The following ATG13 variants were observed in gnomAD, a reference collection of about 807,000 sequenced individuals.
ATG13 encodes the protein autophagy-related protein 13.
In ATG13, 23 loss-of-function variants were observed where a neutral mutation model predicts 65.5. That is an observed-to-expected ratio of 0.35 (90% CI 0.25 to 0.50). The LOEUF is 0.50. ATG13 is among the 20% of genes least tolerant of loss of function. ATG13 has a pLI of 0.98. For synonymous variants in ATG13, 252 were observed against 245.2 expected, an observed-to-expected ratio of 1.03 and a Z score of -0.26; for missense variants, 566 against 677.0, an observed-to-expected ratio of 0.84 and a Z score of 1.82.
chr11:46,657,234 G>A, intron 9 of ATG13, 43 bp downstream of exon 9: 1 of 1,552,198 alleles, frequency 6.4e-7, no homozygotes, highest in Non-Finnish European at 8.9e-7. Context: ...TTCCGAAAAT[G>A]TTAAAGTTTT....
chr11:46,654,567 A>G (rs2059637311), intron 7 of ATG13, among the ~76,000 whole-genome samples: 1 of 150,390 alleles, frequency 6.6e-6, no homozygotes, highest in African/African-American at 2.5e-5. Context: ...CTAGAAATAA[A>G]AAAACTTAGC....
intron 5 of ATG13, among the ~76,000 whole-genome samples, chr11:46,648,103 C>A (rs1365192283): frequency 6.8e-6 from 1 of 147,240 alleles, no homozygotes; most frequent in Non-Finnish European, 1.5e-5. Context: ...CTTAACCCCA[C>A]CCCCCCCAGC....
At chr11:46,665,338 C>T in intron 13 of ATG13, 45 bp from the exon 14 acceptor site, 1 of 1,594,878 alleles carries the variant, frequency 6.3e-7, no homozygotes, top group Non-Finnish European at 8.6e-7. Flanking sequence ...TCCCCTCCTG[C>T]CTGGCATGCC....
chr11:46,645,253 G>A, intron 3 of ATG13, 86 bp from the exon 4 acceptor site: 2 of 1,117,644 alleles, frequency 1.8e-6, no homozygotes, highest in East Asian at 5.0e-5. Flanking sequence ...CTCTGTATTG[G>A]GAGGATTTTA....
At position 46,634,101 on chromosome 11, in the gene ATG13, T is replaced by C. The variant is rs184886734; in HGVS notation, c.-14+4001T>C. 2.0e-5 allele frequency among the ~76,000 whole-genome samples: 3 copies of C among 152,104 alleles called. No individual in the cohort carries two copies. The East Asian group carries it at 5.8e-4, about 30-fold the overall frequency. On this transcript the variant is annotated intron_variant, in intron 2 of 18. Transcript: ENST00000683050. ...CAGCTGAGTTTGCCTGGGATTTTTTTTTTCTTTTTTTTTGAGATGGAGTCT... is the reference window on the plus strand; with the variant it reads ...CAGCTGAGTTTGCCTGGGATTTTTTCTTTCTTTTTTTTTGAGATGGAGTCT...
chr11:46,632,692 T>C (rs1337038034), intron 2 of ATG13, among the ~76,000 whole-genome samples: 2 of 151,986 alleles, frequency 1.3e-5, no homozygotes, highest in Non-Finnish European at 2.9e-5. Context: ...TATAGACTTT[T>C]GGCAGTAGAA....
chr11:46,665,416 C>T lies in ATG13; in HGVS notation c.1033C>T (p.Leu345Phe), dbSNP rs780007232. 6.2e-7 allele frequency: 1 copy of T among 1,614,140 alleles called. No homozygotes were observed. Residue 345 changes from leucine to phenylalanine, a missense_variant, in exon 14 of 19, where the codon CTT becomes TTT. Physicochemically the swap from Leu to Phe is conservative, Grantham distance 22 (BLOSUM62 0). Coordinates refer to ENST00000683050, the MANE Select transcript of ATG13 (RefSeq NM_001346311.2). ...MVPGKEGGVP[L>F]APNQPVHGTQ... Reference sequence around the variant, plus strand: ...TCCTGGGAAGGAAGGTGGGGTACCCCTTGCTCCCAACCAGCCTGTCCATGG... The same window carrying T: ...TCCTGGGAAGGAAGGTGGGGTACCCTTTGCTCCCAACCAGCCTGTCCATGG...
chr11:46,645,849 A>G lies in ATG13; in HGVS notation c.151-21A>G, dbSNP rs141220159. On this transcript the variant is annotated intron_variant, in intron 4 of 18. Transcript: ENST00000683050. ...AATGTTCCTGTGAGTGTTTCATGCAAAAGTCCCTTTTGTTTTCCAGTTCAA... is the reference window on the plus strand; with the variant it reads ...AATGTTCCTGTGAGTGTTTCATGCAGAAGTCCCTTTTGTTTTCCAGTTCAA... 2.1e-5 allele frequency: 34 copies of G among 1,613,862 alleles called. No individual in the cohort carries two copies. The East Asian group carries it at 2.2e-4, about 11-fold the overall frequency.
At chr11:46,656,412 G>A in intron 8 of ATG13, 139 bp downstream of exon 8, 1 of 888,804 alleles carries the variant, frequency 1.1e-6, no homozygotes, top group Non-Finnish European at 1.7e-6. Context: ...TGAGAATGCA[G>A]GTAGGTGGTC....
chr11:46,637,567 GT>G (rs1309132936), intron 2 of ATG13, among the ~76,000 whole-genome samples: 1 of 152,114 alleles, frequency 6.6e-6, no homozygotes, highest in Admixed American at 6.6e-5. Flanking sequence ...TAGAGACAGG[GT>G]TTTGCCATGT....
At chr11:46,622,909 C>T (rs1055132964) in intron 1 of ATG13, among the ~76,000 whole-genome samples, 7 of 152,034 alleles carry the variant, frequency 4.6e-5, no homozygotes, top group South Asian at 2.1e-4. Context: ...GTGGACTGGC[C>T]GTGGTTCAAG....
chr11:46,670,455 C>T (rs866514633), intron 18 of ATG13, among the ~76,000 whole-genome samples: 8 of 143,740 alleles, frequency 5.6e-5, no homozygotes, highest in African/African-American at 1.8e-4. Context: ...CACTCCAACC[C>T]GGGTGACAGA....
chr11:46,660,699 C>T (rs547051221), intron 11 of ATG13, among the ~76,000 whole-genome samples: 7 of 150,814 alleles, frequency 4.6e-5, no homozygotes, highest in Middle Eastern at 3.5e-3. Flanking sequence ...TGAGCCACTG[C>T]GCCCGGCCTT....
intron 2 of ATG13, among the ~76,000 whole-genome samples, chr11:46,635,482 T>TA (rs57611167): frequency 6.6e-6 from 1 of 152,162 alleles, no homozygotes; most frequent in Non-Finnish European, 1.5e-5. Context: ...ATCTCTTTTT[T>TA]AAAAAATTGC....
intron 11 of ATG13, 133 bp downstream of exon 11, chr11:46,659,618 G>T (rs2060746316): frequency 3.1e-6 from 2 of 643,890 alleles, no homozygotes. Context: ...ACTTTGAGGG[G>T]TAAGAGAGAG....
intron 1 of ATG13, chr11:46,618,397 T>C (rs1271797848): frequency 6.6e-6 from 1 of 152,414 alleles, no homozygotes; most frequent in African/African-American, 2.4e-5. Context: ...AGCACCTTCT[T>C]GAGCTCATCA....
chr11:46,640,361 TAGGTTCCATCAGA>T (rs1367235344), intron 2 of ATG13, among the ~76,000 whole-genome samples: 3 of 152,194 alleles, frequency 2.0e-5, no homozygotes. Context: ...AAATAAAAAA[TAGGTTCCATCAGA>T]ATGGCAAGCC....
At position 46,669,427 on chromosome 11, in the gene ATG13, C is replaced by T. The variant is rs752355060; in HGVS notation, c.1470C>T (p.Asp490=). 4 of 1,614,004 alleles carry T rather than the reference C, an allele frequency of 2.5e-6. No individual in the cohort carries two copies. The highest frequency in any genetic ancestry group is 2.2e-5 in the East Asian group (1 of 44,890). Residue 490 remains aspartate (D), a synonymous_variant, in exon 18 of 19, where the codon GAC becomes GAT. Coordinates refer to ENST00000683050, the MANE Select transcript of ATG13 (RefSeq NM_001346311.2). The part of the protein sequence containing the change: ...IDFKPAFSKD[D]ILPMDLGTFY... Reference sequence around the variant, plus strand: ...AGAAACCAGCTTTTTCTAAAGATGACATTCTTCCGATGGACCTGGGGACCT... The same window carrying T: ...AGAAACCAGCTTTTTCTAAAGATGATATTCTTCCGATGGACCTGGGGACCT...
intron 6 of ATG13, among the ~76,000 whole-genome samples, 166 bp from the exon 7 acceptor site, chr11:46,650,011 T>C (rs1450955566): frequency 6.6e-6 from 1 of 152,212 alleles, no homozygotes; most frequent in East Asian, 1.9e-4. Context: ...CATTTGCCTG[T>C]GTCTAGTACA....
Sources: allele counts gnomAD v4.1 joint callset (sites outside exome capture counted in the v4.1 genomes callset), GRCh38; gene constraint gnomAD v4.1.1; transcripts MANE v1.5; gene names NCBI Gene and HGNC (gene_info 2026-07-23, HGNC 2026-07-21).